Variants in MICAL2 observed in about 807,000 individuals in gnomAD.
MICAL2 encodes the protein microtubule associated monooxygenase, calponin and LIM domain containing 2, also known as [F-actin]-monooxygenase MICAL2.
In MICAL2, 77 loss-of-function variants were observed where a neutral mutation model predicts 127.3. That is an observed-to-expected ratio of 0.60 (90% CI 0.50 to 0.73). MICAL2 has a LOEUF of 0.73. MICAL2 is among the 30% of genes least tolerant of loss of function. The pLI is 0.00. For missense variants in MICAL2, 1,351 were observed against 1,434.4 expected (o/e 0.94, Z 0.94); for synonymous variants, 570 against 551.1 (o/e 1.03, Z -0.48).
chr11:12,339,737 A>G (rs532495561), intron 32 of MICAL2, among the ~76,000 whole-genome samples: 2 of 152,300 alleles, frequency 1.3e-5, no homozygotes, highest in East Asian at 3.9e-4. Flanking sequence ...CCTGGGTATC[A>G]GCAGTGGTGG....
chr11:12,290,542 G>A (rs550544494), downstream of MICAL2, among the ~76,000 whole-genome samples: 5 of 142,100 alleles, frequency 3.5e-5, no homozygotes, highest in East Asian at 4.3e-4. Flanking sequence ...GGACAAGAAC[G>A]GGAAGCAAGG....
intron 1 of MICAL2, among the ~76,000 whole-genome samples, chr11:12,122,491 C>T (rs1850586984): frequency 6.6e-6 from 1 of 152,228 alleles, no homozygotes; most frequent in African/African-American, 2.4e-5. Context: ...TCACTGCAAC[C>T]TCTGCTTCCC....
intron 32 of MICAL2, among the ~76,000 whole-genome samples, chr11:12,341,295 C>T (rs1938859630): frequency 6.6e-6 from 1 of 152,018 alleles, no homozygotes; most frequent in African/African-American, 2.4e-5. Flanking sequence ...TTGCAGCGAA[C>T]ACTGAATTAG....
chr11:12,156,032 G>A (rs1994320), intron 2 of MICAL2, among the ~76,000 whole-genome samples: 66,935 of 152,094 alleles, frequency 0.44, 17,702 homozygotes, highest in Non-Finnish European at 0.61. Flanking sequence ...GAAAAGGAGT[G>A]GGGAAGAGGG....
intron 11 of MICAL2, among the ~76,000 whole-genome samples, chr11:12,222,947 G>A (rs185934247): frequency 2.0e-4 from 31 of 152,280 alleles, no homozygotes; most frequent in African/African-American, 6.7e-4. Flanking sequence ...ACACATGTAG[G>A]GGGAGAGATT....
chr11:12,300,925 T>C (rs2134803692), intron 29 of MICAL2, among the ~76,000 whole-genome samples: 1 of 152,316 alleles, frequency 6.6e-6, no homozygotes, highest in African/African-American at 2.4e-5. Context: ...GCTTCTTTCA[T>C]TAAACATTCT....
At chr11:12,187,260 A>G (rs1858424121) in intron 3 of MICAL2, among the ~76,000 whole-genome samples, 1 of 152,276 alleles carries the variant, frequency 6.6e-6, no homozygotes, top group African/African-American at 2.4e-5. Context: ...TACATCAAAC[A>G]TGAATTCATT....
chr11:12,221,745 G>A lies in MICAL2; in HGVS notation c.1308G>A (p.Glu436=). ...KSWNQGTPPL[E]LLAERESLYR... ...GGAACCAGGGCACCCCTCCCCTGGA[G>A]CTGCTGGCTGAAAGGTGAGCTTTGA... Residue 436 remains glutamate, a synonymous_variant, in exon 10 of 28, where the codon GAG becomes GAA. Coordinates refer to ENST00000683283, the MANE Select transcript of MICAL2 (RefSeq NM_001282663.2). The A allele has an allele frequency of 6.2e-7, 1 of 1,613,296 alleles. No individual in the cohort carries two copies. The highest frequency in any genetic ancestry group is 8.5e-7 in the Non-Finnish European group (1 of 1,179,662).
Position 12,259,870 on chromosome 11 carries a change from A to G in MICAL2, c.3307A>G (p.Ile1103Val), listed in dbSNP as rs1040769255. The change falls in exon 26 of 28, where the codon ATT becomes GTT. Residue 1103 changes from isoleucine to valine, a missense_variant. Ile to Val is a conservative substitution (Grantham distance 29). Coordinates refer to ENST00000683283, the MANE Select transcript of MICAL2 (RefSeq NM_001282663.2). ...PTESSCAVAA[I>V]GTLEGSPPVH... ...CGAAAGTTCTTGCGCAGTGGCCGCC[A>G]TTGGCACCCTGGAAGGCAGCCCCCC... The G allele has an allele frequency of 9.9e-6, 16 of 1,611,710 alleles. No individual in the cohort carries two copies. Among genetic ancestry groups the G allele is most frequent in the Middle Eastern group, 1.6e-4 (1 of 6,074 alleles).
At chr11:12,360,391 G>A (rs966428329), downstream of MICAL2, among the ~76,000 whole-genome samples, 3 of 152,118 alleles carry the variant, frequency 2.0e-5, no homozygotes, top group African/African-American at 7.2e-5. Context: ...GGGGCAGTGA[G>A]TTGTATAGTA....
intron 23 of MICAL2, 139 bp from the exon 24 acceptor site, chr11:12,256,646 T>C: frequency 1.3e-6 from 1 of 775,824 alleles, no homozygotes; most frequent in Non-Finnish European, 2.0e-6. Flanking sequence ...CCCCTCCCTC[T>C]TTGCTGCAGT....
intron 32 of MICAL2, among the ~76,000 whole-genome samples, chr11:12,337,517 G>A (rs1412643378): frequency 6.6e-6 from 1 of 152,022 alleles, no homozygotes; most frequent in Non-Finnish European, 1.5e-5. Flanking sequence ...GTTTGCTCTT[G>A]CTTCTCTAGT....
At chr11:12,229,779 G>A (rs1160369219) in intron 15 of MICAL2, among the ~76,000 whole-genome samples, 1 of 152,216 alleles carries the variant, frequency 6.6e-6, no homozygotes, top group East Asian at 1.9e-4. Flanking sequence ...AAATGCTTGT[G>A]GTAGAGGGCT....
chr11:12,214,385 G>T (rs1855886156), intron 7 of MICAL2, among the ~76,000 whole-genome samples: 1 of 152,086 alleles, frequency 6.6e-6, no homozygotes. Flanking sequence ...TTTTCCACCA[G>T]CGTTCTTGCT....
intron 24 of MICAL2, among the ~76,000 whole-genome samples, chr11:12,270,946 G>A (rs10831774): frequency 0.57 from 86,053 of 152,054 alleles, 25,106 homozygotes; most frequent in Non-Finnish European, 0.63. Context: ...AGGGAGTGCC[G>A]CGCCTCTCCA....
rs777916894 is a variant in MICAL2 at position 12,216,306 on chromosome 11, G to A, written c.935G>A (p.Gly312Asp). The A allele has an allele frequency of 2.4e-5, 38 of 1,613,594 alleles. No homozygotes were observed. Among genetic ancestry groups the A allele is most frequent in the African/African-American group, 6.7e-5 (5 of 74,858 alleles). ...TAKKQSLLDK[G>D]VIINDYIDTE... The stretch of plus-strand genomic sequence containing the variant: ...AAGAAGCAGAGCCTGCTCGACAAAG[G>A]TGTCATCATTAACGTACGTACCTCT... Residue 312 changes from glycine (G) to aspartate (D), a missense_variant, in exon 8 of 28, where the codon GGT (glycine) becomes GAT (aspartate). Physicochemically the swap from Gly to Asp is moderately conservative, Grantham distance 94. Transcript: ENST00000683283.
intron 22 of MICAL2, among the ~76,000 whole-genome samples, chr11:12,251,708 C>A (rs1010124947): frequency 1.3e-5 from 2 of 151,936 alleles, no homozygotes; most frequent in Non-Finnish European, 2.9e-5. Flanking sequence ...TCCTGGATCC[C>A]CTGCGCAGAT....
At chr11:12,250,041 C>T (rs533427751) in intron 22 of MICAL2, 1 of 152,298 alleles carries the variant, frequency 6.6e-6, no homozygotes, top group African/African-American at 2.4e-5. Flanking sequence ...TGGAAAATGC[C>T]TCTTTGTAGA....
chr11:12,188,436 C>T (rs748873306), intron 3 of MICAL2, among the ~76,000 whole-genome samples: 3 of 152,074 alleles, frequency 2.0e-5, no homozygotes, highest in Admixed American at 1.3e-4. Flanking sequence ...TATTGTCATG[C>T]TGTTGGGAGA....
Sources: gnomAD v4.1 joint callset for allele counts (sites outside exome capture counted in the v4.1 genomes callset) on GRCh38, gnomAD v4.1.1 for gene constraint, MANE v1.5 for transcripts, NCBI Gene and HGNC (gene_info 2026-07-23, HGNC 2026-07-21) for gene names.